Variants in RRAGC observed in about 807,000 individuals in gnomAD.
The protein encoded by RRAGC is Ras related GTP binding C, also known as ras-related GTP-binding protein C.
A neutral mutation model predicts 37.1 loss-of-function variants in RRAGC; 8 were observed. The observed-to-expected ratio is 0.22, with a 90% CI of 0.13 to 0.39. The LOEUF is 0.39. RRAGC is among the 10% of genes least tolerant of loss of function. The probability of loss-of-function intolerance (pLI) is 1.00; values close to 1 mark genes in which losing one functional copy is unlikely to be tolerated. For synonymous variants in RRAGC, 190 were observed against 181.1 expected, an observed-to-expected ratio of 1.05 and a Z score of -0.39; for missense variants, 342 against 497.6, an observed-to-expected ratio of 0.69 and a Z score of 2.98.
At chr1:38,851,317 T>C (rs936694664) in intron 5 of RRAGC, among the ~76,000 whole-genome samples, 1 of 152,208 alleles carries the variant, frequency 6.6e-6, no homozygotes, top group Non-Finnish European at 1.5e-5. Context: ...TAAGTTCCAG[T>C]AGTGAGAAGA....
chr1:38,843,668 C>G (rs1416964134), intron 6 of RRAGC, among the ~76,000 whole-genome samples: 1 of 149,008 alleles, frequency 6.7e-6, no homozygotes, highest in Middle Eastern at 3.4e-3. Context: ...TGCAGTGAGC[C>G]GAGATTGCGC....
chr1:38,854,574 A>G (rs892389500), intron 3 of RRAGC, among the ~76,000 whole-genome samples: 2 of 152,232 alleles, frequency 1.3e-5, no homozygotes, highest in African/African-American at 4.8e-5. Flanking sequence ...AAAAACTATT[A>G]GCAGTGGATT....
Position 38,839,501 on chromosome 1 carries a change from G to A in RRAGC, c.*52C>T, listed in dbSNP as rs550985257. 21 of 1,601,010 alleles carry A rather than the reference G, an allele frequency of 1.3e-5. No individual in the cohort carries two copies. The highest frequency in any genetic ancestry group is 6.6e-5 in the South Asian group (6 of 90,328). ...CCATGTCCTGTAGCACGTGGCATCCGACCCTGGAGTGAAGAGTAAGCTGGC... is the reference window on the plus strand; with the variant it reads ...CCATGTCCTGTAGCACGTGGCATCCAACCCTGGAGTGAAGAGTAAGCTGGC... On this transcript the variant is annotated 3_prime_UTR_variant, in exon 7 of 7. Coordinates refer to ENST00000373001, the MANE Select transcript of RRAGC (RefSeq NM_022157.4).
rs1388771269 is a variant in RRAGC at position 38,839,610 on chromosome 1, AG to A, written c.1142del (p.Thr381IlefsTer6). The A allele has an allele frequency of 6.2e-7, 1 of 1,614,064 alleles. No homozygotes were observed. The highest frequency in any genetic ancestry group is 1.3e-5 in the African/African-American group (1 of 74,924). On this transcript the variant is annotated frameshift_variant, in exon 7 of 7. Transcript: ENST00000373001. LOFTEE classifies it high-confidence loss of function. ...TCAGCGCTTTCAGACTGGAGGCACT[AG>A]TCTGGTGACCACAGCTCCTGTGAGA... ...VTSHRSCGHQTSASSLKALTH... is the reference protein window; with the variant it reads ...VTSHRSCGHQXSASSLKALTH...
intron 2 of RRAGC, chr1:38,856,617 C>G (rs1642170550): frequency 3.2e-6 from 1 of 308,814 alleles, no homozygotes; most frequent in Non-Finnish European, 5.9e-6. Flanking sequence ...ATATGGCAAC[C>G]AATAAAAGTG....
chr1:38,842,692 C>T (rs1415852479), intron 6 of RRAGC, among the ~76,000 whole-genome samples: 9 of 152,166 alleles, frequency 5.9e-5, no homozygotes, highest in African/African-American at 2.2e-4. Context: ...ATTCTCCACA[C>T]GTGCAAAGGC....
intron 3 of RRAGC, among the ~76,000 whole-genome samples, chr1:38,854,804 C>T (rs1190015123): frequency 6.6e-6 from 1 of 152,140 alleles, no homozygotes; most frequent in Non-Finnish European, 1.5e-5. Context: ...GGAGGGATAG[C>T]AGTTAGCTTG....
intron 6 of RRAGC, 40 bp from the exon 7 acceptor site, chr1:38,839,744 C>A: frequency 6.3e-7 from 1 of 1,595,358 alleles, no homozygotes; most frequent in South Asian, 1.1e-5. Flanking sequence ...CCTGAATTGT[C>A]AATTGTGAAA....
chr1:38,850,914 C>T (rs1413403437), intron 5 of RRAGC, among the ~76,000 whole-genome samples: 1 of 152,114 alleles, frequency 6.6e-6, no homozygotes, highest in Non-Finnish European at 1.5e-5. Context: ...AAGCGATCCT[C>T]TCACCCCAGG....
chr1:38,857,832 C>T (rs955714626), intron 1 of RRAGC, among the ~76,000 whole-genome samples: 6 of 152,036 alleles, frequency 3.9e-5, no homozygotes, highest in African/African-American at 1.4e-4. Flanking sequence ...TGGTGGTGCA[C>T]GCCTGTAGTC....
At chr1:38,850,366 T>C (rs1357498735) in intron 5 of RRAGC, among the ~76,000 whole-genome samples, 3 of 151,638 alleles carry the variant, frequency 2.0e-5, no homozygotes, top group Admixed American at 6.6e-5. Flanking sequence ...TACAAAAAAT[T>C]AGCCAGGCGT....
intron 3 of RRAGC, 136 bp downstream of exon 3, chr1:38,855,572 A>G: frequency 1.3e-6 from 1 of 754,048 alleles, no homozygotes; most frequent in East Asian, 2.6e-5. Flanking sequence ...CCTGGAATTC[A>G]ACAACAAGAT....
rs1642218919 is a variant in RRAGC at position 38,859,767 on chromosome 1, CA to C, written c.-122del. 1 of 851,978 alleles carries C rather than the reference CA, an allele frequency of 1.2e-6. No individual in the cohort carries two copies. The highest frequency in any genetic ancestry group is 4.6e-5 in the East Asian group (1 of 21,958). 52.8% of individuals were successfully genotyped at this position (851,978 alleles called of 1,614,324 possible). A position where few individuals can be genotyped will look rare whatever the true frequency, so the allele number is the denominator to read the frequency against. ...CCGCCACCGCCCCCGGCAGCCGCCA[CA>C]GTCCGGCCCGCCCCCCGGAGCCCGG... On this transcript the variant is annotated 5_prime_UTR_variant, in exon 1 of 7. Coordinates refer to ENST00000373001, the MANE Select transcript of RRAGC (RefSeq NM_022157.4).
chr1:38,847,690 A>C (rs1046290840), intron 5 of RRAGC: 6 of 152,162 alleles, frequency 3.9e-5, no homozygotes, highest in Admixed American at 3.9e-4. Context: ...ATTTAACCAC[A>C]TTATGTCCTT....
chr1:38,858,526 C>G (rs1297566816), intron 1 of RRAGC, among the ~76,000 whole-genome samples: 2 of 152,146 alleles, frequency 1.3e-5, no homozygotes, highest in African/African-American at 4.8e-5. Context: ...GGTGAAACCC[C>G]GTCTCTACTA....
chr1:38,858,887 C>T (rs1337017492), intron 1 of RRAGC, among the ~76,000 whole-genome samples: 1 of 152,254 alleles, frequency 6.6e-6, no homozygotes, highest in African/African-American at 2.4e-5. Flanking sequence ...GGTGCAATCT[C>T]ACTACCCAAT....
At chr1:38,844,054 G>GA (rs1641998950) in intron 6 of RRAGC, among the ~76,000 whole-genome samples, 2 of 152,026 alleles carry the variant, frequency 1.3e-5, no homozygotes, top group African/African-American at 4.8e-5. Context: ...TAGAAGAATA[G>GA]AAAAAGGAGA....
At chr1:38,843,733 A>C (rs1461346878) in intron 6 of RRAGC, among the ~76,000 whole-genome samples, 1 of 151,836 alleles carries the variant, frequency 6.6e-6, no homozygotes, top group Non-Finnish European at 1.5e-5. Flanking sequence ...AAAAAAAAAA[A>C]CTCAGGTAGA....
At chr1:38,842,844 C>T (rs1290251488) in intron 6 of RRAGC, among the ~76,000 whole-genome samples, 4 of 152,132 alleles carry the variant, frequency 2.6e-5, no homozygotes, top group African/African-American at 4.8e-5. Context: ...ACTAGAACTA[C>T]GTGTCATCAA....
Sources: gnomAD v4.1 joint callset for allele counts (sites outside exome capture counted in the v4.1 genomes callset) on GRCh38, gnomAD v4.1.1 for gene constraint, MANE v1.5 for transcripts, NCBI Gene and HGNC (gene_info 2026-07-23, HGNC 2026-07-21) for gene names.